ACCSL: variants seen among roughly 807,000 people sequenced by gnomAD.
The protein encoded by ACCSL is 1-aminocyclopropane-1-carboxylate synthase homolog (inactive) like.
ACCSL carries 55 observed loss-of-function variants against 61.7 expected under a neutral mutation model. The observed-to-expected ratio is 0.89, with a 90% CI of 0.72 to 1.12. The LOEUF (loss-of-function observed/expected upper bound fraction) is 1.12, where lower values mean the gene tolerates loss of function less well. ACCSL is among the 50% of genes most tolerant of loss of function. ACCSL has a pLI of 0.00. For missense variants in ACCSL, 632 were observed against 698.0 expected (o/e 0.91, Z 1.07); for synonymous variants, 258 against 264.3 (o/e 0.98, Z 0.23).
At position 44,055,182 on chromosome 11, in the gene ACCSL, T is replaced by C; in HGVS notation, c.1050-20T>C. The C allele has an allele frequency of 6.5e-7, 1 of 1,526,946 alleles. No individual in the cohort carries two copies. The highest frequency in any genetic ancestry group is 9.0e-7 in the Non-Finnish European group (1 of 1,110,278). 94.6% of individuals were successfully genotyped at this position (1,526,946 alleles called of 1,614,324 possible). On this transcript the variant is annotated intron_variant, in intron 8 of 13. Transcript: ENST00000378832. ...AGAGAGAAGCTAGATCTTGTTCTCC[T>C]TCTTTCATCTAATCTACAGGTATAA...
the ACCSL span, among the ~76,000 whole-genome samples, chr11:43,949,828 A>AC: frequency 6.6e-6 from 1 of 150,556 alleles, no homozygotes; most frequent in Non-Finnish European, 1.5e-5. Context: ...AAAAACAAAC[A>AC]AACAACAACA....
At chr11:44,023,144 TG>T in the ACCSL span, among the ~76,000 whole-genome samples, 1 of 150,852 alleles carries the variant, frequency 6.6e-6, no homozygotes, top group African/African-American at 2.4e-5. Flanking sequence ...GCAGACTTTC[TG>T]GGCTCAGGTG....
chr11:44,035,512 G>T, the ACCSL span, among the ~76,000 whole-genome samples: 1 of 152,110 alleles, frequency 6.6e-6, no homozygotes, highest in East Asian at 1.9e-4. Context: ...GGCATCTACG[G>T]TATGCTCAGC....
the ACCSL span, among the ~76,000 whole-genome samples, chr11:44,038,798 T>C: frequency 6.6e-6 from 1 of 152,312 alleles, no homozygotes; most frequent in South Asian, 2.1e-4. Context: ...GAATGCCTAT[T>C]GGAGGAATAG....
chr11:43,967,699 T>C, the ACCSL span, among the ~76,000 whole-genome samples: 6 of 152,190 alleles, frequency 3.9e-5, no homozygotes, highest in Admixed American at 3.9e-4. Context: ...TTTACTGACC[T>C]TTACCACACT....
At chr11:43,967,791 C>T in the ACCSL span, among the ~76,000 whole-genome samples, 1 of 152,152 alleles carries the variant, frequency 6.6e-6, no homozygotes. Flanking sequence ...GATTTTCATG[C>T]CCAGCTATTG....
chr11:43,934,490 GCACA>G, the ACCSL span, among the ~76,000 whole-genome samples: 3 of 152,108 alleles, frequency 2.0e-5, no homozygotes, highest in East Asian at 1.9e-4. Flanking sequence ...ACACACATGC[GCACA>G]CACACACGTA....
chr11:43,979,762 G>A, the ACCSL span, among the ~76,000 whole-genome samples: 1 of 150,476 alleles, frequency 6.6e-6, no homozygotes, highest in South Asian at 2.1e-4. Flanking sequence ...CAGGAGAATC[G>A]CTTGAACCCA....
chr11:43,995,677 C>G, the ACCSL span, among the ~76,000 whole-genome samples: 1 of 152,040 alleles, frequency 6.6e-6, no homozygotes, highest in Admixed American at 6.6e-5. Flanking sequence ...CCCAAGTGGA[C>G]AGTGGTAGGT....
chr11:43,964,436 CAA>C, the ACCSL span, among the ~76,000 whole-genome samples: 351 of 77,152 alleles, frequency 4.5e-3, 1 homozygote, highest in Admixed American at 7.9e-3. Flanking sequence ...GACATTGTCT[CAA>C]AAAAAAAAAA....
the ACCSL span, among the ~76,000 whole-genome samples, chr11:44,004,179 T>C: frequency 7.4e-6 from 1 of 135,166 alleles, no homozygotes; most frequent in East Asian, 2.2e-4. Context: ...CTCCCAGGAG[T>C]GAGTGAGGTG....
At chr11:43,953,638 G>A in the ACCSL span, among the ~76,000 whole-genome samples, 1 of 151,608 alleles carries the variant, frequency 6.6e-6, no homozygotes, top group African/African-American at 2.4e-5. Context: ...TAATTTTAAT[G>A]CATTAGCATG....
At chr11:43,931,116 C>T in the ACCSL span, among the ~76,000 whole-genome samples, 1 of 152,204 alleles carries the variant, frequency 6.6e-6, no homozygotes, top group African/African-American at 2.4e-5. Flanking sequence ...TCTTTGTACT[C>T]TTCTAACAGT....
chr11:44,031,179 C>T, the ACCSL span, among the ~76,000 whole-genome samples: 9 of 152,232 alleles, frequency 5.9e-5, no homozygotes, highest in African/African-American at 1.7e-4. Context: ...TAGGAGGATT[C>T]CATGAGATAA....
chr11:44,008,102 C>T, the ACCSL span, among the ~76,000 whole-genome samples: 2 of 152,244 alleles, frequency 1.3e-5, no homozygotes, highest in African/African-American at 4.8e-5. Context: ...TCCCCATCAA[C>T]CTGGACATGC....
At chr11:43,943,348 C>T in the ACCSL span, 94,976 of 1,395,576 alleles carry the variant, frequency 0.068, 3,738 homozygotes, top group East Asian at 0.074. The surrounding 1 kb of genome is among the most constrained non-coding windows in gnomAD (Gnocchi z 4.8). Context: ...CGAGAGTGCC[C>T]GCGCCCTGCT....
chr11:43,950,629 T>C, the ACCSL span, among the ~76,000 whole-genome samples: 1 of 152,330 alleles, frequency 6.6e-6, no homozygotes, highest in African/African-American at 2.4e-5. Flanking sequence ...GGTATTCTCT[T>C]TCTCCTTCCC....
the ACCSL span, chr11:43,943,826 A>T: frequency 1.5e-6 from 2 of 1,300,436 alleles, no homozygotes; most frequent in African/African-American, 3.0e-5. This position sits in a 1 kb window ranked among gnomAD's most constrained non-coding sequence, Gnocchi z 4.8. Flanking sequence ...TTTTACCTGG[A>T]TATGTCTGTG....
chr11:43,944,082 G>C, the ACCSL span: 1 of 353,792 alleles, frequency 2.8e-6, no homozygotes, highest in South Asian at 2.2e-5. Context: ...TCCACCCCCG[G>C]TCCAGTGTGC....
Sources: allele counts gnomAD v4.1 joint callset (sites outside exome capture counted in the v4.1 genomes callset), GRCh38; gene constraint gnomAD v4.1.1; non-coding constraint Gnocchi (gnomAD v3.1); transcripts MANE v1.5; gene names NCBI Gene and HGNC (gene_info 2026-07-23, HGNC 2026-07-21).